ZNF254: variants seen among roughly 807,000 people sequenced by gnomAD.
ZNF254 encodes the protein zinc finger protein 254.
ZNF254 carries 10 observed loss-of-function variants against 12.4 expected under a neutral mutation model. The observed-to-expected ratio is 0.80, with a 90% CI of 0.50 to 1.36. The LOEUF is 1.36. ZNF254 is among the 40% of genes most tolerant of loss of function. The pLI is 0.00. For synonymous variants in ZNF254, 305 were observed against 253.4 expected, an observed-to-expected ratio of 1.20 and a Z score of -1.93; for missense variants, 996 against 763.9, an observed-to-expected ratio of 1.30 and a Z score of -3.58.
upstream of ZNF254, among the ~76,000 whole-genome samples, chr19:24,085,597 T>A (rs2145614409): frequency 6.6e-6 from 1 of 151,008 alleles, no homozygotes; most frequent in East Asian, 2.0e-4. Context: ...CAAGGCAAAT[T>A]CCAGTCCCTA....
upstream of ZNF254, among the ~76,000 whole-genome samples, chr19:24,085,015 C>T (rs1029341350): frequency 2.0e-5 from 3 of 150,532 alleles, no homozygotes; most frequent in African/African-American, 7.3e-5. Context: ...TCACTTCAAC[C>T]TCCTCCTGTC....
intron 2 of ZNF254, among the ~76,000 whole-genome samples, chr19:24,070,442 C>T (rs1200529351): frequency 6.6e-6 from 1 of 152,122 alleles, no homozygotes; most frequent in Non-Finnish European, 1.5e-5. Context: ...AAGTTGACTC[C>T]CATGTGTGGA....
chr19:24,042,804 T>C (rs1193567158), intron 1 of ZNF254, among the ~76,000 whole-genome samples: 1 of 152,238 alleles, frequency 6.6e-6, no homozygotes, highest in Non-Finnish European at 1.5e-5. Context: ...TGGGCCCATC[T>C]GTGCATTGGC....
intron 1 of ZNF254, among the ~76,000 whole-genome samples, chr19:24,033,999 C>T (rs1220024174): frequency 6.6e-6 from 1 of 152,204 alleles, no homozygotes; most frequent in African/African-American, 2.4e-5. Flanking sequence ...GAGTCTTGCC[C>T]TGTCGCCCAG....
At position 24,126,552 on chromosome 19, in the gene ZNF254, T is replaced by C. The variant is rs1974858051; in HGVS notation, c.552T>C (p.Cys184=). Residue 184 remains cysteine (C), a synonymous_variant, in exon 4 of 4, where the codon TGT becomes TGC. Coordinates refer to ENST00000357002, the MANE Select transcript of ZNF254 (RefSeq NM_203282.4). The part of the protein sequence containing the change: ...IRHTEKKSFK[C]KKRVKLFCML... ...ATACTGAAAAGAAATCTTTCAAATG[T>C]AAAAAACGTGTCAAATTATTTTGCA... 4.4e-6 allele frequency: 7 copies of C among 1,603,506 alleles called. No homozygotes were observed. Among genetic ancestry groups the C allele is most frequent in the Non-Finnish European group, 5.9e-6 (7 of 1,177,054 alleles).
intron 1 of ZNF254, among the ~76,000 whole-genome samples, chr19:24,045,739 TC>T (rs1970360730): frequency 6.6e-6 from 1 of 151,454 alleles, no homozygotes; most frequent in African/African-American, 2.4e-5. Context: ...GCTAGCCATC[TC>T]TCGGTCGCTG....
intron 3 of ZNF254, among the ~76,000 whole-genome samples, chr19:24,116,598 T>C (rs1013688623): frequency 4.0e-5 from 6 of 150,464 alleles, no homozygotes; most frequent in African/African-American, 1.2e-4. Context: ...TACATTTGTC[T>C]AAATTTTTTT....
In ZNF254 at chr19:24,115,673, A is replaced by G. The variant is rs141125040; in HGVS notation, c.253+9030A>G. ...CATGTACCGTAAAACTTAAAGTATA[A>G]TAATAATAAAAAAAGAAAAATAAAT... On this transcript the variant is annotated intron_variant, in intron 3 of 3. Coordinates refer to ENST00000357002, the MANE Select transcript of ZNF254 (RefSeq NM_203282.4). Among the ~76,000 whole-genome samples the G allele has an allele frequency of 7.8e-3, 1,192 of 152,242 alleles. 15 individuals carry two copies. Among genetic ancestry groups the G allele is most frequent in the African/African-American group, 0.027 (1,119 of 41,524 alleles).
intron 1 of ZNF254, chr19:24,091,878 T>C (rs1053178874): frequency 2.1e-6 from 2 of 973,006 alleles, no homozygotes; most frequent in African/African-American, 3.7e-5. Context: ...TCCTATGTGA[T>C]TAATTTTTTT....
At chr19:24,096,027 T>TA in intron 1 of ZNF254, among the ~76,000 whole-genome samples, 1 of 151,796 alleles carries the variant, frequency 6.6e-6, no homozygotes, top group East Asian at 1.9e-4. Flanking sequence ...CTTAGCTATA[T>TA]TGCAGAGATT....
At chr19:24,058,413 CTT>C (rs574813499) in intron 2 of ZNF254, among the ~76,000 whole-genome samples, 6 of 123,822 alleles carry the variant, frequency 4.8e-5, no homozygotes, top group Admixed American at 8.0e-5. Flanking sequence ...TTCTTTCTTT[CTT>C]TTTTTTTTTT....
At chr19:24,050,758 T>C (rs1423136290) in intron 2 of ZNF254, among the ~76,000 whole-genome samples, 1 of 152,208 alleles carries the variant, frequency 6.6e-6, no homozygotes, top group Non-Finnish European at 1.5e-5. Context: ...ACTTTTTATT[T>C]ATTTATTTTT....
chr19:24,039,005 G>A (rs977456218), intron 1 of ZNF254, among the ~76,000 whole-genome samples: 2 of 152,232 alleles, frequency 1.3e-5, no homozygotes, highest in African/African-American at 4.8e-5. Flanking sequence ...CCTTTGGCTT[G>A]CTTTTCTGCC....
intron 1 of ZNF254, among the ~76,000 whole-genome samples, chr19:24,099,309 T>C (rs62114841): frequency 0.025 from 3,838 of 152,086 alleles, 68 homozygotes; most frequent in Non-Finnish European, 0.039. Flanking sequence ...CTGGCCAGGC[T>C]TCACTCTTTG....
intron 1 of ZNF254, among the ~76,000 whole-genome samples, chr19:24,100,608 G>A (rs1972957673): frequency 6.6e-6 from 1 of 151,484 alleles, no homozygotes; most frequent in South Asian, 2.1e-4. Context: ...TACCCTTAAT[G>A]TACAGTCAAT....
chr19:24,123,046 G>A (rs1370489963), intron 3 of ZNF254, among the ~76,000 whole-genome samples: 1 of 152,048 alleles, frequency 6.6e-6, no homozygotes, highest in Non-Finnish European at 1.5e-5. Flanking sequence ...ATACTTTTGG[G>A]GTTGCTGTTC....
At chr19:24,034,398 G>A (rs191406020) in intron 1 of ZNF254, among the ~76,000 whole-genome samples, 80 of 151,938 alleles carry the variant, frequency 5.3e-4, no homozygotes, top group Admixed American at 1.5e-3. Context: ...CAAAAATGGG[G>A]TTGGGAGGCT....
At position 24,126,588 on chromosome 19, in the gene ZNF254, T is replaced by G. The variant is rs753480265; in HGVS notation, c.588T>G (p.His196Gln). The G allele has an allele frequency of 6.2e-6, 10 of 1,603,790 alleles. No individual in the cohort carries two copies. In the South Asian group the frequency reaches 1.1e-4, roughly 18 times the overall value. Residue 196 changes from histidine (H) to glutamine (Q), a missense_variant, in exon 4 of 4, where the codon CAT becomes CAG. By Grantham distance (24) the His-to-Gln change is conservative. Coordinates refer to ENST00000357002, the MANE Select transcript of ZNF254 (RefSeq NM_203282.4). ...KRVKLFCMLS[H>Q]KTQHKSIYHR... ...TCAAATTATTTTGCATGCTTTCACATAAAACCCAACACAAAAGCATTTATC... is the reference window on the plus strand; with the variant it reads ...TCAAATTATTTTGCATGCTTTCACAGAAAACCCAACACAAAAGCATTTATC...
intron 2 of ZNF254, among the ~76,000 whole-genome samples, chr19:24,053,965 G>C (rs1176696385): frequency 1.3e-5 from 2 of 152,016 alleles, no homozygotes; most frequent in African/African-American, 4.8e-5. Context: ...CCTGGGCTCT[G>C]CCCACAGGGA....
Sources: allele counts gnomAD v4.1 joint callset (sites outside exome capture counted in the v4.1 genomes callset), GRCh38; gene constraint gnomAD v4.1.1; transcripts MANE v1.5; gene names NCBI Gene and HGNC (gene_info 2026-07-23, HGNC 2026-07-21).